Variants in OVCH1 observed in about 807,000 individuals in gnomAD.
OVCH1 encodes ovochymase-1.
Under a neutral mutation model 138.4 loss-of-function variants are expected in OVCH1, and 139 were observed. That is an observed-to-expected ratio of 1.00 (90% CI 0.87 to 1.16). The LOEUF is 1.16. OVCH1 is among the 50% of genes most tolerant of loss of function. The pLI is 0.00. For missense variants in OVCH1, 1,367 were observed against 1,357.9 expected (o/e 1.01, Z -0.11); for synonymous variants, 453 against 467.8 (o/e 0.97, Z 0.41).
intron 8 of OVCH1, among the ~76,000 whole-genome samples, chr12:29,483,100 C>A (rs1401586135): frequency 6.6e-6 from 1 of 152,206 alleles, no homozygotes; most frequent in East Asian, 1.9e-4. Flanking sequence ...CCCTCCTCCT[C>A]TTCAGTCTTC....
intron 26 of OVCH1, among the ~76,000 whole-genome samples, chr12:29,435,305 G>A (rs910673342): frequency 4.6e-5 from 7 of 151,972 alleles, no homozygotes; most frequent in Admixed American, 1.3e-4. Context: ...AATACACTAC[G>A]ATCATATCTA....
At chr12:29,404,361 C>T in the OVCH1 span, among the ~76,000 whole-genome samples, 1 of 152,260 alleles carries the variant, frequency 6.6e-6, no homozygotes, top group African/African-American at 2.4e-5. Context: ...GAGAAGTTCT[C>T]CCAAATGCCT....
chr12:29,466,814 T>TA (rs1410521082), intron 16 of OVCH1, among the ~76,000 whole-genome samples: 3 of 152,190 alleles, frequency 2.0e-5, no homozygotes, highest in Non-Finnish European at 2.9e-5. Flanking sequence ...AGAGTCCCTC[T>TA]ACTGGAACCA....
At chr12:29,431,305 G>A (rs1375143028) in intron 27 of OVCH1, among the ~76,000 whole-genome samples, 9 of 152,050 alleles carry the variant, frequency 5.9e-5, no homozygotes, top group Admixed American at 2.6e-4. Context: ...AGGTATGGTG[G>A]TGTGTACTTG....
chr12:29,466,603 A>T (rs1942329980), intron 16 of OVCH1, among the ~76,000 whole-genome samples: 1 of 152,160 alleles, frequency 6.6e-6, no homozygotes, highest in African/African-American at 2.4e-5. Context: ...GGGAGTGATG[A>T]CTGGAAGAGG....
intron 8 of OVCH1, 151 bp downstream of exon 8, chr12:29,486,099 G>A: frequency 1.5e-6 from 1 of 678,226 alleles, no homozygotes; most frequent in African/African-American, 1.9e-5. Context: ...AAATGTTGGA[G>A]CCTATGTATG....
In OVCH1 at chr12:29,477,325, T is replaced by C. The variant is rs936166990; in HGVS notation, c.1246+16A>G. 1 of 1,613,764 alleles carries C rather than the reference T, an allele frequency of 6.2e-7. No homozygotes were observed. Among genetic ancestry groups the C allele is most frequent in the Non-Finnish European group, 8.5e-7 (1 of 1,179,718 alleles). On this transcript the variant is annotated intron_variant, in intron 11 of 27. Transcript: ENST00000318184. ...CAAGGGAAAATGGCAAGGAATTAAA[T>C]ACCTGAAACACTCACCTGCTTCTGA...
At chr12:29,492,669 T>A (rs1427951718) in intron 4 of OVCH1, among the ~76,000 whole-genome samples, 1 of 152,130 alleles carries the variant, frequency 6.6e-6, no homozygotes, top group Non-Finnish European at 1.5e-5. Context: ...GGATGTACAG[T>A]GTCCAAGAGA....
downstream of OVCH1, among the ~76,000 whole-genome samples, chr12:29,407,615 G>A (rs1045112720): frequency 7.2e-5 from 11 of 151,870 alleles, no homozygotes; most frequent in African/African-American, 2.4e-4. Flanking sequence ...TCAGATAGTT[G>A]TAGATATGCA....
intron 4 of OVCH1, among the ~76,000 whole-genome samples, chr12:29,493,479 C>T (rs896277423): frequency 1.3e-5 from 2 of 152,136 alleles, no homozygotes; most frequent in Admixed American, 6.5e-5. Context: ...GAATTACAGT[C>T]TCTCTCTACC....
intron 22 of OVCH1, among the ~76,000 whole-genome samples, chr12:29,448,177 T>C (rs1211376941): frequency 6.8e-6 from 1 of 146,556 alleles, no homozygotes; most frequent in Non-Finnish European, 1.5e-5. Context: ...ATCCTTGGCA[T>C]GTGCAATTCA....
downstream of OVCH1, among the ~76,000 whole-genome samples, chr12:29,410,870 T>G (rs189250920): frequency 3.1e-3 from 471 of 151,866 alleles, 3 homozygotes; most frequent in Non-Finnish European, 5.3e-3. Flanking sequence ...GTTGCTAGAT[T>G]GGGGAAGTTC....
At chr12:29,440,323 A>G (rs1411731003) in intron 25 of OVCH1, among the ~76,000 whole-genome samples, 6 of 152,340 alleles carry the variant, frequency 3.9e-5, no homozygotes, top group African/African-American at 1.4e-4. Flanking sequence ...GAACAGATAT[A>G]CAGTTGATTA....
chr12:29,451,265 A>T (rs1941786535), intron 22 of OVCH1, 80 bp downstream of exon 22: 1 of 1,134,316 alleles, frequency 8.8e-7, no homozygotes, highest in African/African-American at 1.6e-5. Context: ...ATTATTACCA[A>T]GTCAGACTCA....
intron 6 of OVCH1, among the ~76,000 whole-genome samples, chr12:29,488,181 G>A (rs959846853): frequency 1.1e-4 from 16 of 151,552 alleles, no homozygotes; most frequent in South Asian, 1.0e-3. Flanking sequence ...TCTAAAAATC[G>A]TTGGAAGGGA....
chr12:29,456,672 C>G (rs1345288911), intron 19 of OVCH1, among the ~76,000 whole-genome samples: 1 of 152,178 alleles, frequency 6.6e-6, no homozygotes, highest in Admixed American at 6.5e-5. Flanking sequence ...ATGGCAGCAC[C>G]AAATACATGC....
At chr12:29,490,707 T>A (rs576017459) in intron 5 of OVCH1, among the ~76,000 whole-genome samples, 1 of 152,338 alleles carries the variant, frequency 6.6e-6, no homozygotes, top group Admixed American at 6.5e-5. Context: ...CATCTTCCCG[T>A]TTCTCTCATT....
chr12:29,471,109 G>A (rs970156802), intron 16 of OVCH1, among the ~76,000 whole-genome samples: 2 of 151,804 alleles, frequency 1.3e-5, no homozygotes, highest in Non-Finnish European at 2.9e-5. Context: ...TTCTTAAGAG[G>A]GATTCTAAGG....
chr12:29,484,834 C>T (rs1943043283), intron 8 of OVCH1, among the ~76,000 whole-genome samples, 34 bp from the exon 9 acceptor site: 1 of 152,154 alleles, frequency 6.6e-6, no homozygotes, highest in African/African-American at 2.4e-5. Context: ...GATCATTTGC[C>T]TCACCCATAG....
Sources: gnomAD v4.1 joint callset for allele counts (sites outside exome capture counted in the v4.1 genomes callset) on GRCh38, gnomAD v4.1.1 for gene constraint, MANE v1.5 for transcripts, NCBI Gene and HGNC (gene_info 2026-07-23, HGNC 2026-07-21) for gene names.